The following MECOM variants were observed in gnomAD, a reference collection of about 807,000 sequenced individuals.
MECOM encodes MDS1 and EVI1 complex locus, also known as histone-lysine N-methyltransferase MECOM.
A neutral mutation model predicts 116.3 loss-of-function variants in MECOM; 13 were observed. The ratio of observed to expected loss-of-function variants is 0.11; its 90% CI spans 0.07 to 0.18. MECOM has a LOEUF of 0.18. MECOM is among the 10% of genes least tolerant of loss of function. MECOM has a pLI of 1.00. For synonymous variants in MECOM, 528 were observed against 535.2 expected (o/e 0.99, Z 0.19); for missense variants, 1,299 against 1,509.0 (o/e 0.86, Z 2.31).
intron 1 of MECOM, among the ~76,000 whole-genome samples, chr3:169,439,544 T>G (rs1379315143): frequency 6.6e-6 from 1 of 152,046 alleles, no homozygotes; most frequent in Non-Finnish European, 1.5e-5. Context: ...ATTAAGGCTG[T>G]AATGAGATAG....
At position 169,326,967 on chromosome 3, in the gene MECOM, G is replaced by A. The variant is rs764387562; in HGVS notation, c.375+54220C>T. On this transcript the variant is annotated intron_variant, in intron 2 of 16. Coordinates refer to ENST00000651503, the MANE Select transcript of MECOM (RefSeq NM_004991.4). ...TCTGGAAGATTATTTGAAAGCAAAG[G>A]TTTGCCAAGCCTACTTTCAATAAAC... is the stretch of plus-strand genomic sequence containing the variant. 3.3e-5 allele frequency among the ~76,000 whole-genome samples: 5 copies of A among 152,146 alleles called. 1 individual carries two copies. Among genetic ancestry groups the A allele is most frequent in the Admixed American group, 2.6e-4 (4 of 15,270 alleles).
In MECOM at chr3:169,205,269, T is replaced by C. The variant is rs190376507; in HGVS notation, c.376-61437A>G. Among the ~76,000 whole-genome samples the C allele has an allele frequency of 7.2e-5, 11 of 152,336 alleles. No homozygotes were observed. The East Asian group carries it at 2.1e-3, about 29-fold the overall frequency. ...GACAGACTCTTAACTATCGAGTTTC[T>C]AGTGGGTTCCTGTTTAATATACTGT... On this transcript the variant is annotated intron_variant, in intron 2 of 16. Coordinates refer to ENST00000651503, the MANE Select transcript of MECOM (RefSeq NM_004991.4).
intron 2 of MECOM, among the ~76,000 whole-genome samples, chr3:169,329,860 C>T (rs931002815): frequency 2.0e-5 from 3 of 152,132 alleles, no homozygotes; most frequent in Admixed American, 6.6e-5. Context: ...GAAAGTGTGT[C>T]GACCTATAAG....
intron 2 of MECOM, among the ~76,000 whole-genome samples, chr3:169,242,507 G>C (rs1194591632): frequency 6.6e-6 from 1 of 152,124 alleles, no homozygotes; most frequent in African/African-American, 2.4e-5. Context: ...CTGGAAGACT[G>C]CTCCGAACCT....
At chr3:169,430,021 T>C (rs1249344348) in intron 1 of MECOM, among the ~76,000 whole-genome samples, 1 of 152,170 alleles carries the variant, frequency 6.6e-6, no homozygotes, top group Admixed American at 6.5e-5. Flanking sequence ...GAAAAATGAT[T>C]AAGAATGGCG....
At chr3:169,244,050 G>A (rs1286747367) in intron 2 of MECOM, among the ~76,000 whole-genome samples, 1 of 152,094 alleles carries the variant, frequency 6.6e-6, no homozygotes, top group Non-Finnish European at 1.5e-5. Flanking sequence ...TGGCCAACAG[G>A]AGACCAGACC....
chr3:169,237,175 T>G (rs937795896), intron 2 of MECOM, among the ~76,000 whole-genome samples: 4 of 152,214 alleles, frequency 2.6e-5, no homozygotes, highest in Admixed American at 1.3e-4. Context: ...ATAAATTTTT[T>G]GGGATTGACT....
At chr3:169,180,694 C>G (rs1382205381) in intron 2 of MECOM, among the ~76,000 whole-genome samples, 1 of 150,770 alleles carries the variant, frequency 6.6e-6, no homozygotes, top group Non-Finnish European at 1.5e-5. Flanking sequence ...TTCATTTTGA[C>G]CACAGACTTG....
intron 5 of MECOM, among the ~76,000 whole-genome samples, chr3:169,125,049 A>T (rs1252831425): frequency 6.6e-6 from 1 of 152,088 alleles, no homozygotes; most frequent in South Asian, 2.1e-4. Context: ...TCCTCCCCAC[A>T]ACTCTATTCG....
chr3:169,485,151 C>T (rs1249487585), intron 1 of MECOM, among the ~76,000 whole-genome samples: 4 of 152,010 alleles, frequency 2.6e-5, no homozygotes, highest in Admixed American at 6.6e-5. Flanking sequence ...TGCACCACCA[C>T]GTCTGGCTAA....
At chr3:169,594,176 A>AAAAAAAAAAAAAAAAAAAAAAAAAC (rs1553894631) in intron 1 of MECOM, among the ~76,000 whole-genome samples, 2 of 139,732 alleles carry the variant, frequency 1.4e-5, no homozygotes, top group African/African-American at 2.8e-5. Flanking sequence ...AAAAAAAAAA[A>AAAAAAAAAAAAAAAAAAAAAAAAAC]CACCTTTTCA....
chr3:169,560,128 A>C (rs1166477929), intron 1 of MECOM, among the ~76,000 whole-genome samples: 1 of 152,198 alleles, frequency 6.6e-6, no homozygotes, highest in Non-Finnish European at 1.5e-5. Flanking sequence ...CATGTCCCGA[A>C]ATTAATGAAC....
intron 1 of MECOM, among the ~76,000 whole-genome samples, chr3:169,382,612 T>C (rs1351907840): frequency 6.6e-6 from 1 of 152,048 alleles, no homozygotes; most frequent in African/African-American, 2.4e-5. Context: ...GTTTGATTCA[T>C]AGAACTTCAA....
In MECOM at chr3:169,611,170, C is replaced by G. The variant is rs1461715671; in HGVS notation, c.37+52166G>C. 6.6e-6 allele frequency among the ~76,000 whole-genome samples: 1 copy of G among 152,180 alleles called. No individual in the cohort carries two copies. The highest frequency in any genetic ancestry group is 2.4e-5 in the African/African-American group (1 of 41,458). On this transcript the variant is annotated intron_variant, in intron 1 of 16. Transcript: ENST00000651503. This position sits in a 1 kb window ranked among gnomAD's most constrained non-coding sequence, Gnocchi z 4.1. ...TCAGGTGGTTCTAAGCTTAGGAAAC[C>G]TTGCCCAAAGGATACCATTCTGTCT...
chr3:169,353,837 C>T lies in MECOM; in HGVS notation c.375+27350G>A, dbSNP rs555170068. Among the ~76,000 whole-genome samples, 6 of 151,920 alleles carry T rather than the reference C, an allele frequency of 3.9e-5. No homozygotes were observed. In the East Asian group the frequency reaches 1.2e-3, roughly 30 times the overall value. On this transcript the variant is annotated intron_variant, in intron 2 of 16. Coordinates refer to ENST00000651503, the MANE Select transcript of MECOM (RefSeq NM_004991.4). ...GTGAAGCTAGTTGAATTCATCACAA[C>T]ATAACTATAAATTTCTTCTCAAATC...
intron 2 of MECOM, among the ~76,000 whole-genome samples, chr3:169,277,423 A>C (rs183442632): frequency 2.0e-5 from 3 of 152,326 alleles, no homozygotes; most frequent in Non-Finnish European, 4.4e-5. Flanking sequence ...GTTTCTATGC[A>C]GAAGTTTTTT....
At chr3:169,205,012 G>C (rs910928399) in intron 2 of MECOM, among the ~76,000 whole-genome samples, 4 of 152,132 alleles carry the variant, frequency 2.6e-5, no homozygotes, top group Non-Finnish European at 4.4e-5. Flanking sequence ...AGTTATTTCA[G>C]TTTTCCTCTG....
intron 16 of MECOM, among the ~76,000 whole-genome samples, chr3:169,085,513 T>C: frequency 6.6e-6 from 1 of 152,252 alleles, no homozygotes; most frequent in South Asian, 2.1e-4. Context: ...GGTGCTTGAG[T>C]GACTTGCCCA....
intron 12 of MECOM, among the ~76,000 whole-genome samples, chr3:169,100,547 A>G: frequency 6.6e-6 from 1 of 152,182 alleles, no homozygotes; most frequent in East Asian, 1.9e-4. Flanking sequence ...TTTGTCAATT[A>G]AGATCATCCT....
Sources: allele counts gnomAD v4.1 joint callset (sites outside exome capture counted in the v4.1 genomes callset), GRCh38; gene constraint gnomAD v4.1.1; non-coding constraint Gnocchi (gnomAD v3.1); transcripts MANE v1.5; gene names NCBI Gene and HGNC (gene_info 2026-07-23, HGNC 2026-07-21).